The following NDUFAF7 variants were observed in gnomAD, a reference collection of about 807,000 sequenced individuals.
NDUFAF7 encodes NADH:ubiquinone oxidoreductase complex assembly factor 7.
NDUFAF7 carries 48 observed loss-of-function variants against 47.2 expected under a neutral mutation model. That is an observed-to-expected ratio of 1.02 (90% CI 0.81 to 1.29). NDUFAF7 has a LOEUF of 1.29. Among genes scored for constraint, NDUFAF7 ranks in the 50% most tolerant of loss-of-function variants. The pLI is 0.00. For synonymous variants in NDUFAF7, 217 were observed against 190.0 expected (o/e 1.14, Z -1.17); for missense variants, 635 against 537.6 (o/e 1.18, Z -1.79).
At chr2:37,239,668 C>G (rs1476522034) in intron 4 of NDUFAF7, among the ~76,000 whole-genome samples, 1 of 152,092 alleles carries the variant, frequency 6.6e-6, no homozygotes, top group Non-Finnish European at 1.5e-5. Flanking sequence ...CGAAGTACTG[C>G]AAGAATGCGT....
At chr2:37,255,063 G>A (rs1304682935), downstream of NDUFAF7, among the ~76,000 whole-genome samples, 3 of 152,172 alleles carry the variant, frequency 2.0e-5, 1 homozygote, top group East Asian at 5.8e-4. Context: ...TACCATCCTA[G>A]TTCTATTTCT....
At chr2:37,254,789 C>G (rs749209284), downstream of NDUFAF7, among the ~76,000 whole-genome samples, 10 of 152,198 alleles carry the variant, frequency 6.6e-5, no homozygotes, top group Non-Finnish European at 1.3e-4. Flanking sequence ...TCTGGAAAGG[C>G]ACTGCCTTGC....
chr2:37,248,799 A>T lies in NDUFAF7; in HGVS notation c.*449A>T. 1 of 206,042 alleles carries T rather than the reference A, an allele frequency of 4.9e-6. No individual in the cohort carries two copies. The highest frequency in any genetic ancestry group is 1.0e-5 in the Non-Finnish European group (1 of 100,036). 12.8% of individuals were successfully genotyped at this position (206,042 alleles called of 1,614,324 possible). On this transcript the variant is annotated 3_prime_UTR_variant, in exon 10 of 10. Transcript: ENST00000002125. ...TATGGTGGTACATGCCTGTAATCCC[A>T]GCTACTCAGGAGGCTGAGACAGGAG...
chr2:37,235,904 C>T (rs971181214), intron 2 of NDUFAF7, among the ~76,000 whole-genome samples, 192 bp from the exon 3 acceptor site: 1 of 152,016 alleles, frequency 6.6e-6, no homozygotes, highest in Non-Finnish European at 1.5e-5. Flanking sequence ...GTGATCCACC[C>T]GTCTCGGCCT....
At chr2:37,233,992 C>G (rs1665482507) in intron 2 of NDUFAF7, among the ~76,000 whole-genome samples, 1 of 152,250 alleles carries the variant, frequency 6.6e-6, no homozygotes, top group South Asian at 2.1e-4. Context: ...ATTTCCTTAT[C>G]ACAATACAGT....
intron 2 of NDUFAF7, 121 bp from the exon 3 acceptor site, chr2:37,235,975 G>A: frequency 3.4e-6 from 3 of 878,234 alleles, no homozygotes; most frequent in Admixed American, 2.0e-5. Flanking sequence ...CTTATTTAGA[G>A]GAGAGAACTT....
chr2:37,241,241 A>G (rs1666302263), intron 4 of NDUFAF7, among the ~76,000 whole-genome samples: 1 of 152,174 alleles, frequency 6.6e-6, no homozygotes, highest in African/African-American at 2.4e-5. Context: ...AGATGTTATC[A>G]AATCAAGGCT....
chr2:37,247,628 A>G lies in NDUFAF7; in HGVS notation c.1109A>G (p.Lys370Arg). ...LKNMGIDVRL[K>R]VLLDKSNEPS... ...AATATGGGTATTGATGTCCGGCTGA[A>G]GGTAAGGTTTATTTTATTTCACTGT... is the stretch of plus-strand genomic sequence containing the variant. Residue 370 changes from lysine (K) to arginine (R), a missense_variant and splice_region_variant, in exon 9 of 10, where the codon AAG (lysine) becomes AGG (arginine). By Grantham distance (26) the Lys-to-Arg change is conservative. Coordinates refer to ENST00000002125, the MANE Select transcript of NDUFAF7 (RefSeq NM_144736.5). The G allele has an allele frequency of 6.2e-7, 1 of 1,613,810 alleles. No homozygotes were observed. Among genetic ancestry groups the G allele is most frequent in the Non-Finnish European group, 8.5e-7 (1 of 1,179,846 alleles).
Position 37,248,394 on chromosome 2 carries a change from C to A in NDUFAF7, c.*44C>A. 1 of 1,552,638 alleles carries A rather than the reference C, an allele frequency of 6.4e-7. No individual in the cohort carries two copies. The highest frequency in any genetic ancestry group is 1.1e-5 in the South Asian group (1 of 89,596). On this transcript the variant is annotated 3_prime_UTR_variant, in exon 10 of 10. Transcript: ENST00000002125. ...TTACCCTTCAGTCGGCCCAAGAAAT[C>A]AAAATAAAGGAAACACATTTCATAT...
chr2:37,249,214 G>T (rs1265749133), downstream of NDUFAF7: 1 of 152,288 alleles, frequency 6.6e-6, no homozygotes, highest in African/African-American at 2.4e-5. Context: ...TACAAAGTAA[G>T]GAATGAATGC....
In NDUFAF7 at chr2:37,243,873, A is replaced by G. The variant is rs200781954; in HGVS notation, c.692A>G (p.Gln231Arg). 6 of 1,613,992 alleles carry G rather than the reference A, an allele frequency of 3.7e-6. No homozygotes were observed. Among genetic ancestry groups the G allele is most frequent in the African/African-American group, 1.3e-5 (1 of 75,050 alleles). ...LPVHKFQKTP[Q>R]GWREVFVDID... is the part of the protein sequence containing the mutation. ...TTATTTTGTGTTTAGAAAACACCAC[A>G]GGGATGGCGAGAAGTATTTGTTGAC... Residue 231 changes from glutamine (Q) to arginine (R), a missense_variant, in exon 7 of 10, where the codon CAG becomes CGG. Gln to Arg is a conservative substitution (Grantham distance 43). Coordinates refer to ENST00000002125, the MANE Select transcript of NDUFAF7 (RefSeq NM_144736.5).
At chr2:37,262,186 T>C in the NDUFAF7 span, among the ~76,000 whole-genome samples, 1 of 152,228 alleles carries the variant, frequency 6.6e-6, no homozygotes, top group South Asian at 2.1e-4. Flanking sequence ...TAGCTGATTA[T>C]GCTAGGGGGA....
chr2:37,266,550 A>G, the NDUFAF7 span, among the ~76,000 whole-genome samples: 2 of 151,134 alleles, frequency 1.3e-5, no homozygotes, highest in East Asian at 2.0e-4. Context: ...GCAATGGCAC[A>G]ATCTTGGCTA....
the NDUFAF7 span, among the ~76,000 whole-genome samples, chr2:37,259,050 T>TG: frequency 3.4e-5 from 3 of 88,628 alleles, no homozygotes; most frequent in African/African-American, 1.0e-4. Flanking sequence ...GATGAACACT[T>TG]GGAAAAAAAA....
chr2:37,244,046 T>TTG, intron 7 of NDUFAF7, 73 bp downstream of exon 7: 1 of 1,203,400 alleles, frequency 8.3e-7, no homozygotes, highest in Middle Eastern at 2.3e-4. Context: ...GAGTTACTAC[T>TTG]TTAGAGTTTT....
chr2:37,265,537 G>A, the NDUFAF7 span, among the ~76,000 whole-genome samples: 1 of 152,038 alleles, frequency 6.6e-6, no homozygotes, highest in Non-Finnish European at 1.5e-5. Flanking sequence ...TCAGTCCAAT[G>A]ATGTAAAGTA....
At chr2:37,256,802 T>C, downstream of NDUFAF7, 2 of 1,613,954 alleles carry the variant, frequency 1.2e-6, no homozygotes, top group Non-Finnish European at 1.7e-6. Flanking sequence ...TGACCACATA[T>C]CTAGGGAACG....
At chr2:37,249,558 G>GAGACACAC (rs1182053399), downstream of NDUFAF7, among the ~76,000 whole-genome samples, 4 of 128,422 alleles carry the variant, frequency 3.1e-5, no homozygotes, top group African/African-American at 9.9e-5. Context: ...GCCTGTGATA[G>GAGACACAC]ACACACACAC....
chr2:37,237,297 A>G (rs760638043), intron 3 of NDUFAF7, among the ~76,000 whole-genome samples: 2 of 152,242 alleles, frequency 1.3e-5, no homozygotes, highest in Non-Finnish European at 1.5e-5. Context: ...ACAGAATTCT[A>G]ATTCATTTCC....
Sources: gnomAD v4.1 joint callset for allele counts (sites outside exome capture counted in the v4.1 genomes callset) on GRCh38, gnomAD v4.1.1 for gene constraint, MANE v1.5 for transcripts, NCBI Gene and HGNC (gene_info 2026-07-23, HGNC 2026-07-21) for gene names.